The following DNAAF5 variants were observed in gnomAD, a reference collection of about 807,000 sequenced individuals.
DNAAF5 encodes the protein HEAT repeat containing 2.
In DNAAF5, 64 loss-of-function variants were observed where a neutral mutation model predicts 75.8. The ratio of observed to expected loss-of-function variants is 0.84; its 90% CI spans 0.69 to 1.04. The LOEUF is 1.04. Among genes scored for constraint, DNAAF5 ranks in the 50% least tolerant of loss-of-function variants. DNAAF5 has a pLI of 0.00. For missense variants in DNAAF5, 1,269 were observed against 1,178.5 expected (o/e 1.08, Z -1.12); for synonymous variants, 657 against 557.2 (o/e 1.18, Z -2.52).
At position 727,233 on chromosome 7, in the gene DNAAF5, G is replaced by T; in HGVS notation, c.513G>T (p.Leu171=). 1 of 1,362,832 alleles carries T rather than the reference G, an allele frequency of 7.3e-7. No individual in the cohort carries two copies. Among genetic ancestry groups the T allele is most frequent in the South Asian group, 1.6e-5 (1 of 61,090 alleles). The allele number at this position is 1,362,832 out of a possible 1,614,324, so 84.4% of individuals were successfully genotyped here. A position where few individuals can be genotyped will look rare whatever the true frequency, so the allele number is the denominator to read the frequency against. Residue 171 remains leucine (L), a synonymous_variant, in exon 1 of 13, where the codon CTG becomes CTT. Transcript: ENST00000297440. ...ACCTGGACGACGCTCTGCGCGCGCT[G>T]CGCTGCTCCCTGCTCGACCCCTTCG... ...APHLDDALRA[L]RCSLLDPFAA... is the part of the protein sequence containing the mutation.
intron 11 of DNAAF5, 185 bp from the exon 12 acceptor site, chr7:779,768 G>A (rs1239964549): frequency 3.4e-6 from 2 of 585,344 alleles, no homozygotes; most frequent in African/African-American, 3.8e-5. Flanking sequence ...TGGGGTTCAG[G>A]GGTCCCAGGT....
chr7:785,537 G>A lies in DNAAF5; in HGVS notation c.2452G>A (p.Gly818Arg), dbSNP rs376897902. The A allele has an allele frequency of 7.4e-5, 120 of 1,613,698 alleles. No homozygotes were observed. Among genetic ancestry groups the A allele is most frequent in the Middle Eastern group, 5.0e-4 (3 of 6,058 alleles). Residue 818 changes from glycine to arginine, a missense_variant, in exon 13 of 13, where the codon GGG becomes AGG. By Grantham distance (125) the Gly-to-Arg change is moderately radical (BLOSUM62 -2). Coordinates refer to ENST00000297440, the MANE Select transcript of DNAAF5 (RefSeq NM_017802.4). ...AILEVLKEGS[G>R]LFPDLLVRET... ...TACAGAGGTCCTCAAAGAGGGCAGCGGGCTGTTCCCAGATCTCCTGGTGAG... is the reference window on the plus strand; with the variant it reads ...TACAGAGGTCCTCAAAGAGGGCAGCAGGCTGTTCCCAGATCTCCTGGTGAG...
chr7:727,230 G>A lies in DNAAF5; in HGVS notation c.510G>A (p.Ala170=), dbSNP rs1231948726. 6.7e-6 allele frequency: 9 copies of A among 1,348,392 alleles called. No homozygotes were observed. The highest frequency in any genetic ancestry group is 7.6e-6 in the Non-Finnish European group (8 of 1,050,522). The allele number at this position is 1,348,392 out of a possible 1,614,324, so 83.5% of individuals were successfully genotyped here. Residue 170 remains alanine, a synonymous_variant, in exon 1 of 13, where the codon GCG becomes GCA. Transcript: ENST00000297440. ...CCCACCTGGACGACGCTCTGCGCGCGCTGCGCTGCTCCCTGCTCGACCCCT... is the reference window on the plus strand; with the variant it reads ...CCCACCTGGACGACGCTCTGCGCGCACTGCGCTGCTCCCTGCTCGACCCCT... The part of the protein sequence containing the change: ...LAPHLDDALR[A]LRCSLLDPFA...
intron 4 of DNAAF5, among the ~76,000 whole-genome samples, chr7:743,755 C>T (rs1016957874): frequency 7.9e-5 from 12 of 151,554 alleles, no homozygotes; most frequent in Non-Finnish European, 1.6e-4. Context: ...AGCGATTCTC[C>T]TGCGTCAGCC....
At chr7:778,954 G>A (rs551975756) in intron 11 of DNAAF5, among the ~76,000 whole-genome samples, 7 of 152,392 alleles carry the variant, frequency 4.6e-5, no homozygotes, top group Admixed American at 6.5e-5. Context: ...GATGTGCTCC[G>A]TGGCTTCCTC....
chr7:779,299 C>T (rs982388685), intron 11 of DNAAF5, among the ~76,000 whole-genome samples: 8 of 152,276 alleles, frequency 5.3e-5, no homozygotes, highest in African/African-American at 1.9e-4. Context: ...TGGGCAGCTG[C>T]CCCTCCCAGC....
At chr7:758,911 G>A (rs750498077) in intron 6 of DNAAF5, among the ~76,000 whole-genome samples, 18 of 152,256 alleles carry the variant, frequency 1.2e-4, no homozygotes, top group South Asian at 8.3e-4. Context: ...TTGAACTCCT[G>A]ACTTCAAGTG....
At chr7:773,766 C>T (rs756511588) in intron 9 of DNAAF5, among the ~76,000 whole-genome samples, 1 of 152,160 alleles carries the variant, frequency 6.6e-6, no homozygotes, top group South Asian at 2.1e-4. Flanking sequence ...AGTGCACCCT[C>T]GGCCCAGGGC....
chr7:760,760 T>G (rs1273354400), intron 6 of DNAAF5, among the ~76,000 whole-genome samples: 3 of 152,244 alleles, frequency 2.0e-5, no homozygotes, highest in African/African-American at 7.2e-5. Flanking sequence ...CCTGGCTGAT[T>G]CACAGTGGAT....
intron 4 of DNAAF5, among the ~76,000 whole-genome samples, chr7:746,913 C>T (rs561186049): frequency 2.0e-5 from 3 of 152,272 alleles, no homozygotes; most frequent in East Asian, 1.9e-4. Flanking sequence ...GGAGCGTGGC[C>T]GCTGGCGTCT....
In DNAAF5 at chr7:763,875, C is replaced by T. The variant is rs1782740245; in HGVS notation, c.1684C>T (p.His562Tyr). 5.0e-6 allele frequency: 8 copies of T among 1,613,370 alleles called. No homozygotes were observed. The highest frequency in any genetic ancestry group is 6.8e-6 in the Non-Finnish European group (8 of 1,180,032). The change falls in exon 8 of 13, where the codon CAC (histidine) becomes TAC (tyrosine). Residue 562 changes from histidine to tyrosine, a missense_variant. His to Tyr is a moderately conservative substitution (Grantham distance 83, BLOSUM62 2). Transcript: ENST00000297440. The stretch of plus-strand genomic sequence containing the variant: ...CAGCTGCCAGGACCTCTACCGCAAG[C>T]ACATTGGTCCCCTCCTGGAGCGGGT... ...VSSCQDLYRK[H>Y]IGPLLERVTA...
At chr7:732,481 T>G (rs1019460527) in intron 2 of DNAAF5, 9 of 451,788 alleles carry the variant, frequency 2.0e-5, no homozygotes, top group Non-Finnish European at 8.9e-6. Context: ...TCCTGCTCGA[T>G]GTGTGCTGCT....
At position 783,277 on chromosome 7, in the gene DNAAF5, G is replaced by T. The variant is rs960839852; in HGVS notation, c.2432-2240G>T. 2.0e-5 allele frequency among the ~76,000 whole-genome samples: 3 copies of T among 152,262 alleles called. No homozygotes were observed. In the East Asian group the frequency reaches 5.8e-4, roughly 29 times the overall value. ...CTCCGTGTGAAGCGGTGCACCTGGT[G>T]CCCACTCGCGGGTGTAAGCCGTGTG... On this transcript the variant is annotated intron_variant, in intron 12 of 12. Transcript: ENST00000297440.
intron 2 of DNAAF5, among the ~76,000 whole-genome samples, chr7:736,790 T>C (rs1257988161): frequency 6.6e-6 from 1 of 152,196 alleles, no homozygotes; most frequent in Non-Finnish European, 1.5e-5. Context: ...CTTCTTGCCT[T>C]CTTGTTTTCC....
chr7:772,127 T>G (rs1416256337), intron 9 of DNAAF5: 1 of 152,310 alleles, frequency 6.6e-6, no homozygotes, highest in Non-Finnish European at 1.5e-5. Context: ...GCTGTGCGGG[T>G]GCCCAAGAGG....
At chr7:767,166 G>A (rs1455047365) in intron 8 of DNAAF5, among the ~76,000 whole-genome samples, 1 of 150,562 alleles carries the variant, frequency 6.6e-6, no homozygotes, top group Non-Finnish European at 1.5e-5. Flanking sequence ...GTGAACCCAG[G>A]AGACGGGGCT....
intron 4 of DNAAF5, among the ~76,000 whole-genome samples, chr7:743,219 A>T (rs1451553040): frequency 5.9e-5 from 9 of 152,200 alleles, no homozygotes. Context: ...TAACAAAAAC[A>T]AAACAAATTA....
At chr7:760,048 T>A (rs1290007772) in intron 6 of DNAAF5, among the ~76,000 whole-genome samples, 1 of 114,798 alleles carries the variant, frequency 8.7e-6, no homozygotes, top group Non-Finnish European at 1.8e-5. Flanking sequence ...ACACGGCTCC[T>A]CCAGCTCCGA....
At chr7:761,350 C>T (rs575996518) in intron 6 of DNAAF5, among the ~76,000 whole-genome samples, 20 of 152,332 alleles carry the variant, frequency 1.3e-4, no homozygotes, top group Admixed American at 7.2e-4. Context: ...ACACTGGGGC[C>T]GGAGCGGGAG....
Sources: allele counts gnomAD v4.1 joint callset (sites outside exome capture counted in the v4.1 genomes callset), GRCh38; gene constraint gnomAD v4.1.1; transcripts MANE v1.5; gene names NCBI Gene and HGNC (gene_info 2026-07-23, HGNC 2026-07-21).